The following PLET1 variants were observed in gnomAD, a reference collection of about 807,000 sequenced individuals.
The protein encoded by PLET1 is placenta expressed transcript 1, also known as placenta-expressed transcript 1 protein.
In PLET1, 20 loss-of-function variants were observed where a neutral mutation model predicts 18.5. The observed-to-expected ratio is 1.08, with a 90% confidence interval of 0.76 to 1.57. PLET1 has a LOEUF of 1.57. Ranked by LOEUF, PLET1 falls within the 40% of genes most tolerant of loss-of-function variation. The probability of loss-of-function intolerance (pLI) is 0.00; values close to 1 mark genes in which losing one functional copy is unlikely to be tolerated. For missense variants in PLET1, 256 were observed against 246.4 expected (o/e 1.04, Z -0.26); for synonymous variants, 93 against 93.8 (o/e 0.99, Z 0.05).
At chr11:112,257,370 T>TC (rs1331304108) in intron 1 of PLET1, among the ~76,000 whole-genome samples, 3 of 95,504 alleles carry the variant, frequency 3.1e-5, no homozygotes, top group Non-Finnish European at 7.0e-5. Flanking sequence ...TAACTCTCGT[T>TC]CCTTTTTTTT....
Position 112,248,692 on chromosome 11 carries a change from G to A in PLET1, c.*107C>T. 4.6e-6 allele frequency: 6 copies of A among 1,296,966 alleles called. No homozygotes were observed. Among genetic ancestry groups the A allele is most frequent in the Non-Finnish European group, 6.3e-6 (6 of 953,216 alleles). The allele number at this position is 1,296,966 out of a possible 1,614,324, so 80.3% of individuals were successfully genotyped here. On this transcript the variant is annotated 3_prime_UTR_variant, in exon 4 of 4. Coordinates refer to ENST00000338832, the MANE Select transcript of PLET1 (RefSeq NM_001145024.1). Reference sequence around the variant, plus strand: ...GCCGTGGCAGCAAAGTTGCACATTTGAGAATGTAAAGCCTTCATTTACACA... The same window carrying A: ...GCCGTGGCAGCAAAGTTGCACATTTAAGAATGTAAAGCCTTCATTTACACA...
At chr11:112,254,502 G>A (rs1222097787) in intron 2 of PLET1, among the ~76,000 whole-genome samples, 1 of 142,994 alleles carries the variant, frequency 7.0e-6, no homozygotes, top group Non-Finnish European at 1.5e-5. Context: ...TGTGGCATGA[G>A]TGTGTGTGGT....
intron 2 of PLET1, among the ~76,000 whole-genome samples, chr11:112,252,841 C>T (rs936843276): frequency 2.0e-5 from 3 of 152,226 alleles, no homozygotes; most frequent in East Asian, 1.9e-4. Flanking sequence ...ATGGGAGGAC[C>T]GACTTTATAA....
rs1860280480 is a variant in PLET1 at position 112,260,739 on chromosome 11, C to T, written c.-150G>A. 2 of 664,522 alleles carry T rather than the reference C, an allele frequency of 3.0e-6. No homozygotes were observed. The highest frequency in any genetic ancestry group is 1.8e-5 in the African/African-American group (1 of 54,942). 41.2% of individuals were successfully genotyped at this position (664,522 alleles called of 1,614,324 possible). On this transcript the variant is annotated 5_prime_UTR_variant, in exon 1 of 4. Coordinates refer to ENST00000338832, the MANE Select transcript of PLET1 (RefSeq NM_001145024.1). ...ATATACATTGGATTCTGGAATTTGG[C>T]CCAAGACATCACCAGGAATGAATCA...
chr11:112,251,403 G>T (rs949594312), intron 3 of PLET1, among the ~76,000 whole-genome samples: 3 of 152,054 alleles, frequency 2.0e-5, no homozygotes, highest in Non-Finnish European at 4.4e-5. Context: ...GGCCAACATG[G>T]TGAAACCCCA....
rs151049738 is a variant in PLET1, at chr11:112,250,401, A to G, written c.449-1427T>C. 1.8e-3 allele frequency among the ~76,000 whole-genome samples: 281 copies of G among 152,060 alleles called. 1 individual carries two copies. The highest frequency in any genetic ancestry group is 0.011 in the South Asian group (51 of 4,828). ...ACAGTTGAGGAAACAGACTGAAGAT[A>G]CCAACAAGGACACACTCCTGTAACA... On this transcript the variant is annotated intron_variant, in intron 3 of 3. Transcript: ENST00000338832.
intron 3 of PLET1, among the ~76,000 whole-genome samples, chr11:112,250,218 ACCTTTTTTTTTTTTTTTTTTTTTTTTT>A (rs1311630821): frequency 1.2e-4 from 6 of 51,538 alleles, no homozygotes; most frequent in African/African-American, 2.2e-4. Context: ...CTAGAAACAA[ACCTTTTTTTTTTTTTTTTTTTTTTTTT>A]CCTTTTTGGC....
chr11:112,251,287 A>G (rs976967484), intron 3 of PLET1, among the ~76,000 whole-genome samples: 18 of 151,858 alleles, frequency 1.2e-4, no homozygotes, highest in Non-Finnish European at 2.5e-4. Flanking sequence ...GTAAATTAAA[A>G]AAAAAAAAAA....
rs1307330502 is a variant in PLET1, at chr11:112,259,696, A to G, written c.184+710T>C. On this transcript the variant is annotated intron_variant, in intron 1 of 3. Transcript: ENST00000338832. ...TTTTCACCCACGGACTAAATGCAGT[A>G]CACAATTATCCCCAGAGGCATCATA... Among the ~76,000 whole-genome samples the G allele has an allele frequency of 2.6e-5, 4 of 152,186 alleles. No individual in the cohort carries two copies. The East Asian group carries it at 5.8e-4, about 22-fold the overall frequency.
intron 3 of PLET1, 130 bp from the exon 4 acceptor site, chr11:112,249,104 C>G (rs1273044705): frequency 1.9e-5 from 16 of 835,208 alleles, no homozygotes; most frequent in Non-Finnish European, 3.0e-5. Flanking sequence ...GAGCAAAATT[C>G]AATCAACCCT....
intron 2 of PLET1, among the ~76,000 whole-genome samples, chr11:112,254,289 ATG>A (rs1265875752): frequency 7.6e-6 from 1 of 130,962 alleles, no homozygotes; most frequent in African/African-American, 2.9e-5. Flanking sequence ...TAGTGTGTGT[ATG>A]TGTGTGGTGT....
intron 1 of PLET1, among the ~76,000 whole-genome samples, chr11:112,259,891 A>T (rs556660593): frequency 6.6e-6 from 1 of 152,186 alleles, no homozygotes; most frequent in South Asian, 2.1e-4. Flanking sequence ...ACAAAAAATT[A>T]GCCAGGCGTG....
chr11:112,252,304 T>A, intron 3 of PLET1, 44 bp downstream of exon 3: 7 of 1,505,354 alleles, frequency 4.7e-6, no homozygotes, highest in Non-Finnish European at 6.3e-6. Context: ...CCAGGCTGAC[T>A]GAGTTCATTG....
chr11:112,250,221 T>C (rs563414297), intron 3 of PLET1, among the ~76,000 whole-genome samples: 220 of 5,740 alleles, frequency 0.038, no homozygotes, highest in African/African-American at 0.067. Context: ...GAAACAAACC[T>C]TTTTTTTTTT....
rs535256509 is a variant in PLET1 at position 112,258,773 on chromosome 11, A to G, written c.184+1633T>C. Among the ~76,000 whole-genome samples the G allele has an allele frequency of 8.5e-5, 13 of 152,258 alleles. No individual in the cohort carries two copies. The East Asian group carries it at 2.3e-3, about 27-fold the overall frequency. On this transcript the variant is annotated intron_variant, in intron 1 of 3. Coordinates refer to ENST00000338832, the MANE Select transcript of PLET1 (RefSeq NM_001145024.1). ...TTATCCTCCCTGCCCTGTCAGGACA[A>G]TATCCACTGCCTGAGGGAGTGGGAC...
Position 112,260,626 on chromosome 11 carries a change from T to G in PLET1, c.-37A>C. On this transcript the variant is annotated 5_prime_UTR_variant, in exon 1 of 4. Transcript: ENST00000338832. Reference sequence around the variant, plus strand: ...GTTTGGAAAGTGCTAGGCCTGGAATTGGGTGAAACTGACAACTCACCTCTT... The same window carrying G: ...GTTTGGAAAGTGCTAGGCCTGGAATGGGGTGAAACTGACAACTCACCTCTT... 6.6e-7 allele frequency: 1 copy of G among 1,517,058 alleles called. No individual in the cohort carries two copies. The highest frequency in any genetic ancestry group is 8.9e-7 in the Non-Finnish European group (1 of 1,124,374). 94.0% of individuals were successfully genotyped at this position (1,517,058 alleles called of 1,614,324 possible). A position where few individuals can be genotyped will look rare whatever the true frequency, so the allele number is the denominator to read the frequency against.
rs1165423240 is a variant in PLET1 at position 112,255,536 on chromosome 11, C to G, written c.238G>C (p.Glu80Gln). 3 of 1,551,480 alleles carry G rather than the reference C, an allele frequency of 1.9e-6. No homozygotes were observed. The highest frequency in any genetic ancestry group is 2.6e-6 in the Non-Finnish European group (3 of 1,146,850). ...VYAVVMKTLD[E>Q]NSDSAGLWQR... is the part of the protein sequence containing the mutation. ...CAGAGGCCCGCTGAGTCACTGTTCT[C>G]GTCCAAGGTTTTCATGACCACAGCA... Residue 80 changes from glutamate to glutamine, a missense_variant, in exon 2 of 4, where the codon GAG becomes CAG. By Grantham distance (29) the Glu-to-Gln change is conservative (BLOSUM62 2). Coordinates refer to ENST00000338832, the MANE Select transcript of PLET1 (RefSeq NM_001145024.1).
chr11:112,251,281 AT>A (rs1297711190), intron 3 of PLET1, among the ~76,000 whole-genome samples: 12 of 71,912 alleles, frequency 1.7e-4, no homozygotes, highest in African/African-American at 3.8e-4. Flanking sequence ...CTTTTTGTAA[AT>A]TAAAAAAAAA....
chr11:112,257,853 C>T (rs1860239356), intron 1 of PLET1, among the ~76,000 whole-genome samples: 1 of 152,174 alleles, frequency 6.6e-6, no homozygotes, highest in Non-Finnish European at 1.5e-5. Flanking sequence ...GCCTGGGTGG[C>T]CATTTACTCA....
Sources: allele counts gnomAD v4.1 joint callset (sites outside exome capture counted in the v4.1 genomes callset), GRCh38; gene constraint gnomAD v4.1.1; transcripts MANE v1.5; gene names NCBI Gene and HGNC (gene_info 2026-07-23, HGNC 2026-07-21).